MSRA: variants seen among roughly 807,000 people sequenced by gnomAD.
MSRA encodes the protein mitochondrial peptide methionine sulfoxide reductase.
In MSRA, 54 loss-of-function variants were observed where a neutral mutation model predicts 31.3. The ratio of observed to expected loss-of-function variants is 1.73; its 90% CI spans 1.39 to 2.17. The LOEUF (loss-of-function observed/expected upper bound fraction) is 2.17, where lower values mean the gene tolerates loss of function less well. MSRA is among the 30% of genes most tolerant of loss of function. MSRA has a pLI of 0.00. For missense variants in MSRA, 507 were observed against 300.9 expected (o/e 1.69, Z -5.07); for synonymous variants, 169 against 116.5 (o/e 1.45, Z -2.90).
chr8:10,387,683 G>A (rs375276320), intron 5 of MSRA, among the ~76,000 whole-genome samples: 6 of 152,174 alleles, frequency 3.9e-5, no homozygotes, highest in South Asian at 2.1e-4. Context: ...GTAATGTCTC[G>A]GAGCTGCTCT....
intron 5 of MSRA, among the ~76,000 whole-genome samples, chr8:10,387,823 G>A (rs745746471): frequency 1.2e-4 from 18 of 152,122 alleles, no homozygotes; most frequent in Non-Finnish European, 2.4e-4. Flanking sequence ...TTTTTTCGGG[G>A]GAAGAAGTTT....
At chr8:10,415,684 A>G (rs1343353601) in intron 5 of MSRA, among the ~76,000 whole-genome samples, 4 of 151,418 alleles carry the variant, frequency 2.6e-5, no homozygotes, top group African/African-American at 9.7e-5. Flanking sequence ...TTTATCCTTG[A>G]TTTCACCTGA....
chr8:10,074,058 C>CTTTTT lies in MSRA; in HGVS notation c.142+19436_142+19440dup, dbSNP rs534642712. ...CATTTTGTTTTGTCTAAGGGAGGTGCTTTTTTTTTTTTTTTTTTTTTTTTT... is the reference window on the plus strand; with the variant it reads ...CATTTTGTTTTGTCTAAGGGAGGTGCTTTTTTTTTTTTTTTTTTTTTTTTTTTTTT... On this transcript the variant is annotated intron_variant, in intron 1 of 5. Coordinates refer to ENST00000317173, the MANE Select transcript of MSRA (RefSeq NM_012331.5). Among the ~76,000 whole-genome samples the CTTTTT allele has an allele frequency of 2.1e-3, 61 of 29,450 alleles. 6 individuals are homozygous for CTTTTT. The highest frequency in any genetic ancestry group is 8.5e-3 in the East Asian group (5 of 588). 19.3% of individuals were successfully genotyped at this position (29,450 alleles called of 152,430 possible).
intron 1 of MSRA, among the ~76,000 whole-genome samples, chr8:10,081,647 G>A (rs73526797): frequency 3.9e-5 from 6 of 152,058 alleles, no homozygotes; most frequent in East Asian, 1.9e-4. Flanking sequence ...CCACAACGAC[G>A]CCTGACAAAT....
intron 1 of MSRA, among the ~76,000 whole-genome samples, chr8:10,085,339 C>A (rs1008506436): frequency 1.3e-5 from 2 of 152,224 alleles, no homozygotes; most frequent in Non-Finnish European, 2.9e-5. Context: ...TCCCCAGTGC[C>A]TGGCTCCAGG....
chr8:10,381,140 C>T (rs1806044401), intron 5 of MSRA, among the ~76,000 whole-genome samples: 1 of 152,122 alleles, frequency 6.6e-6, no homozygotes, highest in Non-Finnish European at 1.5e-5. Flanking sequence ...CAGTGACTTC[C>T]CCAGTGGTCT....
chr8:10,240,585 T>G (rs966919503), intron 2 of MSRA, among the ~76,000 whole-genome samples: 4 of 152,128 alleles, frequency 2.6e-5, no homozygotes, highest in Non-Finnish European at 5.9e-5. Flanking sequence ...TACCCCAGAT[T>G]TCCTAATTCT....
chr8:10,316,666 A>C (rs770210861), intron 4 of MSRA, among the ~76,000 whole-genome samples: 2 of 152,010 alleles, frequency 1.3e-5, no homozygotes, highest in Non-Finnish European at 2.9e-5. Context: ...TTTTAAATTA[A>C]AAATGAGCTG....
intron 1 of MSRA, among the ~76,000 whole-genome samples, chr8:10,141,148 C>T (rs1802670377): frequency 6.6e-6 from 1 of 152,166 alleles, no homozygotes; most frequent in Admixed American, 6.5e-5. Context: ...CACTGGCCAC[C>T]AGCGTAGACC....
intron 5 of MSRA, among the ~76,000 whole-genome samples, chr8:10,393,521 G>T (rs1271358361): frequency 6.6e-6 from 1 of 152,190 alleles, no homozygotes; most frequent in Non-Finnish European, 1.5e-5. Flanking sequence ...TGGGCACCGT[G>T]TAGGCATGGT....
At chr8:10,200,956 G>T (rs1030287579) in intron 1 of MSRA, among the ~76,000 whole-genome samples, 35 of 152,172 alleles carry the variant, frequency 2.3e-4, no homozygotes, top group Non-Finnish European at 2.1e-4. Context: ...GGGGCCCGCT[G>T]CAGAGATGGG....
chr8:10,121,632 G>T (rs184171690), intron 1 of MSRA, among the ~76,000 whole-genome samples: 1 of 151,992 alleles, frequency 6.6e-6, no homozygotes, highest in Non-Finnish European at 1.5e-5. Flanking sequence ...AAAGAAGAGA[G>T]GCACCTGCTA....
chr8:10,373,409 C>T (rs1805585370), intron 5 of MSRA, among the ~76,000 whole-genome samples: 1 of 152,222 alleles, frequency 6.6e-6, no homozygotes, highest in Admixed American at 6.5e-5. Flanking sequence ...TGCTGTGTTG[C>T]ACAGGCATGT....
chr8:10,323,272 T>A (rs1802161089), intron 5 of MSRA, among the ~76,000 whole-genome samples: 1 of 152,154 alleles, frequency 6.6e-6, no homozygotes. Flanking sequence ...TATTTAATTA[T>A]AAAGGCAGTA....
intron 5 of MSRA, among the ~76,000 whole-genome samples, chr8:10,334,582 G>C (rs1318714537): frequency 6.6e-6 from 1 of 152,248 alleles, no homozygotes; most frequent in African/African-American, 2.4e-5. Context: ...CCCGGCCTGC[G>C]CCTGCACGGC....
chr8:10,263,689 T>C (rs575562798), intron 3 of MSRA, among the ~76,000 whole-genome samples: 4 of 152,126 alleles, frequency 2.6e-5, no homozygotes, highest in Admixed American at 2.0e-4. Context: ...CTTGGGTCTT[T>C]CTGAAGGGAA....
Position 10,245,153 on chromosome 8 carries a change from A to G in MSRA, c.261A>G (p.Gly87=). Residue 87 remains glycine (G), a synonymous_variant, in exon 3 of 6, where the codon GGA becomes GGG. Coordinates refer to ENST00000317173, the MANE Select transcript of MSRA (RefSeq NM_012331.5). ...GAERKFWVLK[G]VYSTQVGFAG... ...AAAGGAAATTCTGGGTCTTGAAAGG[A>G]GTGTATTCAACTCAAGTTGGTTTTG... The G allele has an allele frequency of 6.2e-7, 1 of 1,613,364 alleles. No homozygotes were observed. The highest frequency in any genetic ancestry group is 8.5e-7 in the Non-Finnish European group (1 of 1,179,766).
chr8:10,391,244 G>C (rs1288517720), intron 5 of MSRA, among the ~76,000 whole-genome samples: 1 of 152,152 alleles, frequency 6.6e-6, no homozygotes, highest in Non-Finnish European at 1.5e-5. Flanking sequence ...TTGAAAAGAG[G>C]TTTATTTCTC....
At chr8:10,224,993 C>G (rs1289254521) in intron 2 of MSRA, among the ~76,000 whole-genome samples, 1 of 152,172 alleles carries the variant, frequency 6.6e-6, no homozygotes. Context: ...CAAAAATAAG[C>G]TGGCCGTGGT....
Sources: allele counts gnomAD v4.1 joint callset (sites outside exome capture counted in the v4.1 genomes callset), GRCh38; gene constraint gnomAD v4.1.1; transcripts MANE v1.5; gene names NCBI Gene and HGNC (gene_info 2026-07-23, HGNC 2026-07-21).